The following SDCCAG8 variants were observed in gnomAD, a reference collection of about 807,000 sequenced individuals.
The protein encoded by SDCCAG8 is serologically defined colon cancer antigen 8.
Under a neutral mutation model 101.8 loss-of-function variants are expected in SDCCAG8, and 74 were observed. The observed-to-expected ratio is 0.73, with a 90% CI of 0.60 to 0.88. The LOEUF is 0.88. Ranked by LOEUF, SDCCAG8 falls within the 40% of genes least tolerant of loss-of-function variation. The probability of loss-of-function intolerance (pLI) is 0.00; values close to 1 mark genes in which losing one functional copy is unlikely to be tolerated. For missense variants in SDCCAG8, 787 were observed against 822.6 expected, an observed-to-expected ratio of 0.96 and a Z score of 0.53; for synonymous variants, 281 against 292.9, an observed-to-expected ratio of 0.96 and a Z score of 0.41.
intron 12 of SDCCAG8, among the ~76,000 whole-genome samples, chr1:243,364,065 T>A (rs949050453): frequency 6.6e-6 from 1 of 152,146 alleles, no homozygotes; most frequent in Non-Finnish European, 1.5e-5. Context: ...TTCTAAGAAC[T>A]CCCCATAAGG....
At chr1:243,280,592 A>G (rs1327430227) in intron 4 of SDCCAG8, among the ~76,000 whole-genome samples, 1 of 152,114 alleles carries the variant, frequency 6.6e-6, no homozygotes, top group East Asian at 1.9e-4. Flanking sequence ...CATCCTTTTA[A>G]TAAGTATATA....
At chr1:243,495,471 G>C (rs1272268452) in intron 17 of SDCCAG8, among the ~76,000 whole-genome samples, 1 of 152,222 alleles carries the variant, frequency 6.6e-6, no homozygotes, top group East Asian at 1.9e-4. Flanking sequence ...CAGGGGCCCA[G>C]CCGGGCAGCC....
chr1:243,299,657 G>A lies in SDCCAG8; in HGVS notation c.676-5056G>A, dbSNP rs187292550. 9.2e-5 allele frequency among the ~76,000 whole-genome samples: 14 copies of A among 152,040 alleles called. No homozygotes were observed. The East Asian group carries it at 1.4e-3, about 15-fold the overall frequency. ...TCGAATTCCTAACCTCAGGTGATCC[G>A]CCTGCCTCGGCCTCCCACAGTGCTG... On this transcript the variant is annotated intron_variant, in intron 6 of 17. Coordinates refer to ENST00000366541, the MANE Select transcript of SDCCAG8 (RefSeq NM_006642.5).
At chr1:243,492,604 G>GTTTTTTTTTTTTTTT (rs74162289) in intron 17 of SDCCAG8, among the ~76,000 whole-genome samples, 2 of 58,876 alleles carry the variant, frequency 3.4e-5, no homozygotes, top group Non-Finnish European at 3.0e-5. Context: ...GCGCCCAGCT[G>GTTTTTTTTTTTTTTT]TTTTTTTTTT....
chr1:243,302,208 A>G (rs911476215), intron 6 of SDCCAG8, among the ~76,000 whole-genome samples: 3 of 152,240 alleles, frequency 2.0e-5, no homozygotes, highest in African/African-American at 4.8e-5. Context: ...AGATTGCACC[A>G]GTGCATTCGA....
At chr1:243,467,635 A>C (rs1660404677) in intron 16 of SDCCAG8, among the ~76,000 whole-genome samples, 1 of 152,212 alleles carries the variant, frequency 6.6e-6, no homozygotes, top group Admixed American at 6.5e-5. Context: ...AATAATTTTG[A>C]TTTGGAAGGC....
At chr1:243,327,029 A>C (rs936038278) in intron 9 of SDCCAG8, among the ~76,000 whole-genome samples, 1 of 152,130 alleles carries the variant, frequency 6.6e-6, no homozygotes, top group African/African-American at 2.4e-5. Context: ...CCAGAAAAGA[A>C]AAGGTACCTT....
At chr1:243,263,547 T>C (rs969136149) in intron 1 of SDCCAG8, among the ~76,000 whole-genome samples, 1 of 152,236 alleles carries the variant, frequency 6.6e-6, no homozygotes, top group Non-Finnish European at 1.5e-5. Context: ...GGTGCATCAG[T>C]CCTCTCCACT....
chr1:243,446,336 T>C (rs369942572), intron 16 of SDCCAG8, among the ~76,000 whole-genome samples: 5 of 152,172 alleles, frequency 3.3e-5, no homozygotes, highest in African/African-American at 7.2e-5. Context: ...GCACTATCAC[T>C]GCTTACTGTA....
At chr1:243,344,404 T>C (rs139427699) in intron 12 of SDCCAG8, 73 bp downstream of exon 12, 11,236 of 1,072,368 alleles carry the variant, frequency 0.01, 79 homozygotes, top group Non-Finnish European at 0.014. Context: ...GATGTTGTTT[T>C]ATTCCTAATT....
chr1:243,484,567 C>T (rs1664394711), intron 16 of SDCCAG8, among the ~76,000 whole-genome samples: 1 of 152,218 alleles, frequency 6.6e-6, no homozygotes, highest in Non-Finnish European at 1.5e-5. Flanking sequence ...TCTAAGCAGG[C>T]GCAAGCCCTC....
intron 16 of SDCCAG8, among the ~76,000 whole-genome samples, chr1:243,450,479 T>C (rs1574111033): frequency 1.3e-5 from 2 of 152,320 alleles, no homozygotes; most frequent in South Asian, 2.1e-4. Flanking sequence ...ATAGGAATTC[T>C]GCAGACCTTG....
At chr1:243,440,528 A>AGGAAGAT (rs1445076693) in intron 16 of SDCCAG8, among the ~76,000 whole-genome samples, 11 of 152,252 alleles carry the variant, frequency 7.2e-5, no homozygotes, top group African/African-American at 2.6e-4. Flanking sequence ...TCCAGGAAGA[A>AGGAAGAT]TTCCAGGAAT....
intron 12 of SDCCAG8, among the ~76,000 whole-genome samples, chr1:243,352,384 T>C (rs2076127578): frequency 6.6e-6 from 1 of 152,190 alleles, no homozygotes; most frequent in Non-Finnish European, 1.5e-5. Context: ...TCAGTTTCAG[T>C]GGATGACATG....
intron 13 of SDCCAG8, among the ~76,000 whole-genome samples, chr1:243,388,534 T>G (rs2078463696): frequency 6.6e-6 from 1 of 151,946 alleles, no homozygotes; most frequent in Non-Finnish European, 1.5e-5. Flanking sequence ...AAACACCAAG[T>G]ATCTGCACTG....
intron 8 of SDCCAG8, among the ~76,000 whole-genome samples, chr1:243,313,354 C>G (rs1573205429): frequency 6.6e-6 from 1 of 152,314 alleles, no homozygotes; most frequent in East Asian, 1.9e-4. Context: ...AGGTGGAGCT[C>G]ATGCATATAC....
intron 6 of SDCCAG8, among the ~76,000 whole-genome samples, chr1:243,296,535 CTTTTTTTTTTTTTTTT>C (rs756242066): frequency 1.7e-5 from 1 of 57,944 alleles, no homozygotes; most frequent in African/African-American, 7.4e-5. Context: ...CCCAACTGCT[CTTTTTTTTTTTTTTTT>C]TTTTTTTTTG....
chr1:243,448,844 G>A (rs1268570080), intron 16 of SDCCAG8, among the ~76,000 whole-genome samples: 1 of 152,164 alleles, frequency 6.6e-6, no homozygotes, highest in Non-Finnish European at 1.5e-5. Flanking sequence ...AAATGAATTT[G>A]TAGTCCTTTT....
At chr1:243,393,185 C>G (rs1293974124) in intron 13 of SDCCAG8, among the ~76,000 whole-genome samples, 1 of 152,104 alleles carries the variant, frequency 6.6e-6, no homozygotes, top group Non-Finnish European at 1.5e-5. Flanking sequence ...GTAATGAAAT[C>G]CTGACTCTGC....
Sources: gnomAD v4.1 joint callset for allele counts (sites outside exome capture counted in the v4.1 genomes callset) on GRCh38, gnomAD v4.1.1 for gene constraint, MANE v1.5 for transcripts, NCBI Gene and HGNC (gene_info 2026-07-23, HGNC 2026-07-21) for gene names.